FOXP2: variants seen among roughly 807,000 people sequenced by gnomAD.
FOXP2 encodes the protein forkhead box P2, also known as forkhead box protein P2.
A neutral mutation model predicts 115.8 loss-of-function variants in FOXP2; 12 were observed. That is an observed-to-expected ratio of 0.10 (90% CI 0.07 to 0.17). The LOEUF (loss-of-function observed/expected upper bound fraction) is 0.17, where lower values mean the gene tolerates loss of function less well. FOXP2 is among the 10% of genes least tolerant of loss of function. The pLI is 1.00. For missense variants in FOXP2, 629 were observed against 843.5 expected, an observed-to-expected ratio of 0.75 and a Z score of 3.15; for synonymous variants, 328 against 297.7, an observed-to-expected ratio of 1.10 and a Z score of -1.05.
At chr7:114,199,607 A>G (rs915168821) in intron 1 of FOXP2, among the ~76,000 whole-genome samples, 1 of 152,222 alleles carries the variant, frequency 6.6e-6, no homozygotes, top group Admixed American at 6.5e-5. Context: ...TCATATGGTT[A>G]TCACATCTGC....
chr7:114,343,113 TATGA>T (rs1372030111), intron 2 of FOXP2, among the ~76,000 whole-genome samples: 5 of 151,654 alleles, frequency 3.3e-5, no homozygotes, highest in African/African-American at 1.2e-4. Context: ...GTATTGTCTG[TATGA>T]ATGCCATTTG....
At position 114,307,413 on chromosome 7, in the gene FOXP2, A is replaced by G. The variant is rs1357434478; in HGVS notation, c.-11+19304A>G. ...TCTAAGGCCAGTTAATGACATGCAC[A>G]ATGGACTTTAAACAGATACACTGAT... is the stretch of plus-strand genomic sequence containing the variant. On this transcript the variant is annotated intron_variant, in intron 2 of 17. Transcript: ENST00000634411. Among the ~76,000 whole-genome samples, 4 of 152,110 alleles carry G rather than the reference A, an allele frequency of 2.6e-5. No individual in the cohort carries two copies. In the South Asian group the frequency reaches 8.3e-4, roughly 32 times the overall value.
chr7:114,308,772 A>T (rs997421777), intron 2 of FOXP2, among the ~76,000 whole-genome samples: 4 of 152,206 alleles, frequency 2.6e-5, no homozygotes, highest in African/African-American at 9.6e-5. Context: ...GGTGGTCCGT[A>T]AAGCTGAAAA....
intron 2 of FOXP2, among the ~76,000 whole-genome samples, chr7:114,529,513 T>C (rs1268917198): frequency 6.6e-6 from 1 of 151,860 alleles, no homozygotes; most frequent in African/African-American, 2.4e-5. Context: ...TTTATAATTA[T>C]TATACAATAA....
In FOXP2 at chr7:114,539,208, T is replaced by G. The variant is rs142874161; in HGVS notation, c.258+4502T>G. 4.0e-3 allele frequency among the ~76,000 whole-genome samples: 609 copies of G among 152,044 alleles called. 3 individuals are homozygous for G. The highest frequency in any genetic ancestry group is 0.012 in the African/African-American group (480 of 41,558). On this transcript the variant is annotated intron_variant, in intron 3 of 16. Coordinates refer to ENST00000350908, the MANE Select transcript of FOXP2 (RefSeq NM_014491.4). The stretch of plus-strand genomic sequence containing the variant: ...ATAAGTTATAAAAGTTTATAATTTG[T>G]AAAATATTCTGGAGGAAAATACTAA...
At chr7:114,687,863 ATTAAATT>A (rs1160009780) in intron 16 of FOXP2, among the ~76,000 whole-genome samples, 2 of 152,086 alleles carry the variant, frequency 1.3e-5, no homozygotes, top group African/African-American at 4.8e-5. Flanking sequence ...ATGAGTTCTA[ATTAAATT>A]TTAAATTTTT....
intron 3 of FOXP2, among the ~76,000 whole-genome samples, chr7:114,617,017 G>A (rs1708896783): frequency 6.6e-6 from 1 of 152,176 alleles, no homozygotes; most frequent in Admixed American, 6.5e-5. Flanking sequence ...GCCCAAAAGT[G>A]CAGCTGCAAG....
At chr7:114,512,277 C>A (rs578088459) in intron 2 of FOXP2, among the ~76,000 whole-genome samples, 26 of 152,306 alleles carry the variant, frequency 1.7e-4, no homozygotes, top group Non-Finnish European at 2.6e-4. Flanking sequence ...CAGGCAGTCC[C>A]TCATTTCTTA....
intron 2 of FOXP2, among the ~76,000 whole-genome samples, chr7:114,476,800 C>T (rs930511493): frequency 2.4e-4 from 37 of 151,956 alleles, no homozygotes; most frequent in East Asian, 5.8e-4. Context: ...TTTCTTTCAG[C>T]GGTGTTTTGT....
At chr7:114,375,558 A>G (rs1792118408) in intron 2 of FOXP2, among the ~76,000 whole-genome samples, 1 of 152,202 alleles carries the variant, frequency 6.6e-6, no homozygotes. Flanking sequence ...TGAGGCTTAA[A>G]AAGAGCCATT....
At chr7:114,291,446 G>A (rs1796587790) in intron 2 of FOXP2, among the ~76,000 whole-genome samples, 1 of 152,106 alleles carries the variant, frequency 6.6e-6, no homozygotes, top group Non-Finnish European at 1.5e-5. Context: ...TGTGCTCTCT[G>A]TGTTTGGTTA....
upstream of FOXP2, chr7:114,086,755 G>T: frequency 4.3e-6 from 1 of 232,858 alleles, no homozygotes; most frequent in Non-Finnish European, 8.6e-6. Context: ...CAAAGGCAGC[G>T]CCCTGCTTGC....
At chr7:114,496,646 A>G (rs1249422040) in intron 2 of FOXP2, among the ~76,000 whole-genome samples, 1 of 152,200 alleles carries the variant, frequency 6.6e-6, no homozygotes, top group African/African-American at 2.4e-5. Flanking sequence ...TAAGTATACA[A>G]TCATACATTG....
intron 2 of FOXP2, among the ~76,000 whole-genome samples, chr7:114,458,816 T>A (rs533566037): frequency 1.3e-5 from 2 of 152,266 alleles, no homozygotes; most frequent in African/African-American, 2.4e-5. Flanking sequence ...AAATACACCA[T>A]CTATTTAATG....
chr7:114,567,029 G>GA (rs1005208918), intron 3 of FOXP2, among the ~76,000 whole-genome samples: 2 of 151,778 alleles, frequency 1.3e-5, no homozygotes, highest in African/African-American at 4.8e-5. Flanking sequence ...TTTCTAAAAG[G>GA]AAAAAAATAT....
At chr7:114,492,281 G>T (rs1268049635) in intron 2 of FOXP2, among the ~76,000 whole-genome samples, 3 of 151,808 alleles carry the variant, frequency 2.0e-5, no homozygotes, top group Admixed American at 1.3e-4. Context: ...TTTTTATTGC[G>T]TGTATTTGAT....
At chr7:114,132,216 A>G (rs1791898182) in intron 1 of FOXP2, among the ~76,000 whole-genome samples, 1 of 152,184 alleles carries the variant, frequency 6.6e-6, no homozygotes, top group Non-Finnish European at 1.5e-5. Flanking sequence ...TTTAAACAAC[A>G]TAATTCTGAT....
At chr7:114,277,112 A>G (rs1018369374) in intron 1 of FOXP2, among the ~76,000 whole-genome samples, 1 of 152,172 alleles carries the variant, frequency 6.6e-6, no homozygotes, top group Admixed American at 6.5e-5. Flanking sequence ...ACTGGCAAAT[A>G]ATTAACCTCA....
chr7:114,490,571 T>G (rs1328795306), intron 2 of FOXP2, among the ~76,000 whole-genome samples: 2 of 152,058 alleles, frequency 1.3e-5, no homozygotes, highest in Admixed American at 6.6e-5. Flanking sequence ...TTGTTACATA[T>G]GTATACATGT....
Sources: allele counts gnomAD v4.1 joint callset (sites outside exome capture counted in the v4.1 genomes callset), GRCh38; gene constraint gnomAD v4.1.1; transcripts MANE v1.5; gene names NCBI Gene and HGNC (gene_info 2026-07-23, HGNC 2026-07-21).